SHOC1: variants seen among roughly 807,000 people sequenced by gnomAD.
SHOC1 encodes shortage in chiasmata 1, also known as protein shortage in chiasmata 1 ortholog.
Under a neutral mutation model 179.2 loss-of-function variants are expected in SHOC1, and 136 were observed. That is an observed-to-expected ratio of 0.76 (90% CI 0.66 to 0.87). The LOEUF (loss-of-function observed/expected upper bound fraction) is 0.87. SHOC1 is among the 40% of genes least tolerant of loss of function. SHOC1 has a pLI of 0.00. For synonymous variants in SHOC1, 489 were observed against 586.6 expected (o/e 0.83, Z 2.41); for missense variants, 1,538 against 1,700.8 (o/e 0.90, Z 1.68).
rs1367458006 is a variant in SHOC1 at position 111,724,198 on chromosome 9, C to T, written c.1835-287G>A. Reference sequence around the variant, plus strand: ...GGATAAATATATCTGCTTTAAACACCAAGTACAGCTTCTGACACAGAAAGT... The same window carrying T: ...GGATAAATATATCTGCTTTAAACACTAAGTACAGCTTCTGACACAGAAAGT... On this transcript the variant is annotated intron_variant, in intron 13 of 27. Transcript: ENST00000682961. Among the ~76,000 whole-genome samples, 3 of 152,208 alleles carry T rather than the reference C, an allele frequency of 2.0e-5. 1 individual carries two copies. The East Asian group carries it at 5.8e-4, about 29-fold the overall frequency.
intron 5 of SHOC1, among the ~76,000 whole-genome samples, chr9:111,773,592 A>G (rs2131611589): frequency 6.6e-6 from 1 of 152,348 alleles, no homozygotes. Flanking sequence ...AATTACAGGC[A>G]TGAGCTACTG....
At position 111,705,196 on chromosome 9, in the gene SHOC1, C is replaced by CAT. The variant is rs1554710317; in HGVS notation, c.2855+49_2855+50dup. The CAT allele has an allele frequency of 1.3e-3, 912 of 680,986 alleles. 8 individuals are homozygous for CAT. The African/African-American group carries it at 0.014, about 11-fold the overall frequency. 42.2% of individuals were successfully genotyped at this position (680,986 alleles called of 1,614,324 possible). ...ACACACACACACACACACACACACA[C>CAT]ATATATATATAATGTACACTTTTGT... On this transcript the variant is annotated intron_variant, in intron 21 of 27. Transcript: ENST00000682961.
chr9:111,713,066 G>C, intron 18 of SHOC1, 34 bp downstream of exon 18: 2 of 1,273,346 alleles, frequency 1.6e-6, no homozygotes, highest in South Asian at 2.6e-5. Flanking sequence ...TCAAGCATTT[G>C]TTATCAAATG....
At chr9:111,734,991 C>T (rs1833752500) in intron 12 of SHOC1, among the ~76,000 whole-genome samples, 1 of 151,950 alleles carries the variant, frequency 6.6e-6, no homozygotes, top group Admixed American at 6.6e-5. Flanking sequence ...CTCTAGTAGC[C>T]CCCAGTTTCT....
rs773060680 is a variant in SHOC1 at position 111,746,246 on chromosome 9, G to T, written c.1067C>A (p.Pro356Gln). ...AATCTTTACTTACATTTTACAAACC[G>T]GAGATAATGGAAATGTCTGAAGTTC... ...RTELQTFPLS[P>Q]VCKINLLTAE... Residue 356 changes from proline to glutamine, a missense_variant, in exon 10 of 28, where the codon CCG becomes CAG. By Grantham distance (76) the Pro-to-Gln change is moderately conservative. Coordinates refer to ENST00000682961, the MANE Select transcript of SHOC1 (RefSeq NM_001378211.1). The T allele has an allele frequency of 3.1e-6, 5 of 1,593,638 alleles. No individual in the cohort carries two copies. Among genetic ancestry groups the T allele is most frequent in the Non-Finnish European group, 4.3e-6 (5 of 1,161,840 alleles).
At chr9:111,776,247 A>G (rs1835829589) in intron 4 of SHOC1, among the ~76,000 whole-genome samples, 4 of 152,212 alleles carry the variant, frequency 2.6e-5, no homozygotes, top group Admixed American at 2.6e-4. Flanking sequence ...TTACATGTCA[A>G]TCAATGTACA....
chr9:111,766,770 C>T (rs1835376926), intron 5 of SHOC1, among the ~76,000 whole-genome samples: 1 of 152,130 alleles, frequency 6.6e-6, no homozygotes, highest in Non-Finnish European at 1.5e-5. Context: ...TGCCACCACG[C>T]CTGGCTAATT....
At chr9:111,769,998 T>TTTTTTTTTA in intron 5 of SHOC1, among the ~76,000 whole-genome samples, 1 of 147,312 alleles carries the variant, frequency 6.8e-6, no homozygotes, top group Non-Finnish European at 1.5e-5. Context: ...TTTTTTTTTT[T>TTTTTTTTTA]TTTTTTTTTT....
chr9:111,726,799 T>C (rs962590543), intron 13 of SHOC1, among the ~76,000 whole-genome samples: 1 of 152,114 alleles, frequency 6.6e-6, no homozygotes, highest in African/African-American at 2.4e-5. Flanking sequence ...AAAATGACAA[T>C]AGATGTAAAA....
chr9:111,723,702 G>T, intron 14 of SHOC1, 90 bp downstream of exon 14: 2 of 1,228,308 alleles, frequency 1.6e-6, no homozygotes, highest in Non-Finnish European at 2.3e-6. Flanking sequence ...TGAAGAAAAT[G>T]ACATGGAAAA....
Position 111,691,778 on chromosome 9 carries a change from C to A in SHOC1, c.4199G>T (p.Cys1400Phe), listed in dbSNP as rs140726823. Residue 1400 changes from cysteine to phenylalanine, a missense_variant, in exon 27 of 28, where the codon TGT (cysteine) becomes TTT (phenylalanine). Transcript: ENST00000682961. ...KGNLFTDQQK[C>F]LSDESEGLTC... ...GAGGCCTTCAGACTCATCTGATAGA[C>A]ATTTTTGCTGATCAGTGAATAAATT... The A allele has an allele frequency of 6.2e-7, 1 of 1,613,960 alleles. No homozygotes were observed. Among genetic ancestry groups the A allele is most frequent in the Admixed American group, 1.7e-5 (1 of 60,020 alleles).
At chr9:111,777,954 C>G (rs1448747353) in intron 4 of SHOC1, among the ~76,000 whole-genome samples, 1 of 152,100 alleles carries the variant, frequency 6.6e-6, no homozygotes, top group African/African-American at 2.4e-5. Context: ...TCATTAAGAT[C>G]ATTGATTCCT....
At chr9:111,788,843 C>G (rs188704771) in intron 2 of SHOC1, among the ~76,000 whole-genome samples, 1 of 152,286 alleles carries the variant, frequency 6.6e-6, no homozygotes, top group African/African-American at 2.4e-5. Context: ...AGTCAGTGTT[C>G]TCTTTAATTT....
chr9:111,790,754 G>C (rs1285609146), intron 2 of SHOC1, among the ~76,000 whole-genome samples: 1 of 152,026 alleles, frequency 6.6e-6, no homozygotes, highest in Non-Finnish European at 1.5e-5. Flanking sequence ...CACCATGTTG[G>C]CCAGGCTGGT....
chr9:111,714,571 C>G lies in SHOC1; in HGVS notation c.2289G>C (p.Leu763Phe). 5 of 1,613,786 alleles carry G rather than the reference C, an allele frequency of 3.1e-6. No homozygotes were observed. The highest frequency in any genetic ancestry group is 4.2e-6 in the Non-Finnish European group (5 of 1,179,910). ...DIYNSILGPY[L>F]GDIWRQLEIV... ...TCTCCAGCTGTCTCCAAATGTCACC[C>G]AAATAGGGGCCTAAAATGCTGTTGT... Residue 763 changes from leucine (L) to phenylalanine (F), a missense_variant, in exon 17 of 28, where the codon TTG becomes TTC. Coordinates refer to ENST00000682961, the MANE Select transcript of SHOC1 (RefSeq NM_001378211.1).
intron 12 of SHOC1, among the ~76,000 whole-genome samples, chr9:111,735,640 TG>T (rs1348059500): frequency 6.6e-6 from 1 of 152,232 alleles, no homozygotes; most frequent in Non-Finnish European, 1.5e-5. Context: ...AGTGCCGCAA[TG>T]AACATACGTG....
intron 8 of SHOC1, among the ~76,000 whole-genome samples, chr9:111,754,350 T>C (rs917714447): frequency 6.6e-6 from 1 of 152,162 alleles, no homozygotes; most frequent in Non-Finnish European, 1.5e-5. Context: ...TAGCCAACAG[T>C]ATGTGAAAAG....
At chr9:111,705,991 A>G (rs7032633) in intron 20 of SHOC1, among the ~76,000 whole-genome samples, 2,021 of 152,200 alleles carry the variant, frequency 0.013, 55 homozygotes, top group African/African-American at 0.046. Context: ...TCCCACTCAT[A>G]TTTGAGGTGA....
At chr9:111,761,819 C>T (rs1407738601) in intron 5 of SHOC1, among the ~76,000 whole-genome samples, 1 of 152,060 alleles carries the variant, frequency 6.6e-6, no homozygotes, top group African/African-American at 2.4e-5. Context: ...ACAGAGATCA[C>T]CAGTAATTTT....
Sources: allele counts gnomAD v4.1 joint callset (sites outside exome capture counted in the v4.1 genomes callset), GRCh38; gene constraint gnomAD v4.1.1; transcripts MANE v1.5; gene names NCBI Gene and HGNC (gene_info 2026-07-23, HGNC 2026-07-21).